Variants in PCDHGA6 observed in about 807,000 individuals in gnomAD.
The protein encoded by PCDHGA6 is protocadherin gamma-A6.
PCDHGA6 carries 41 observed loss-of-function variants against 60.6 expected under a neutral mutation model. The ratio of observed to expected loss-of-function variants is 0.68; its 90% confidence interval spans 0.53 to 0.88. PCDHGA6 has a LOEUF of 0.88. Among genes scored for constraint, PCDHGA6 ranks in the 40% least tolerant of loss-of-function variants. The probability of loss-of-function intolerance (pLI) is 0.00; values close to 1 mark genes in which losing one functional copy is unlikely to be tolerated. For synonymous variants in PCDHGA6, 594 were observed against 524.4 expected (o/e 1.13, Z -1.81); for missense variants, 1,312 against 1,203.0 (o/e 1.09, Z -1.34).
At position 141,431,398 on chromosome 5, in the gene PCDHGA6, G is replaced by A. The variant is rs1052461071; in HGVS notation, c.2424+54891G>A. ...AGGCTGCTCACCACCTGGTCCTTACGGCCTCCGACGGGGGCGACCCGGTGC... is the reference window on the plus strand; with the variant it reads ...AGGCTGCTCACCACCTGGTCCTTACAGCCTCCGACGGGGGCGACCCGGTGC... On this transcript the variant is annotated intron_variant, in intron 1 of 3. Coordinates refer to ENST00000517434, the MANE Select transcript of PCDHGA6 (RefSeq NM_018919.3). This position sits in a 1 kb window ranked among gnomAD's most constrained non-coding sequence, Gnocchi z 4.8. The A allele has an allele frequency of 6.8e-6, 11 of 1,613,768 alleles. No homozygotes were observed. Among genetic ancestry groups the A allele is most frequent in the Non-Finnish European group, 9.3e-6 (11 of 1,180,036 alleles).
In PCDHGA6 at chr5:141,374,146, G is replaced by A. The variant is rs770813485; in HGVS notation, c.63G>A (p.Gly21=). The change falls in exon 1 of 4, where the codon GGG becomes GGA. Residue 21 remains glycine (G), a synonymous_variant. Coordinates refer to ENST00000517434, the MANE Select transcript of PCDHGA6 (RefSeq NM_018919.3). ...SEQVLLLTLL[G]TLWGAAAAQI... The stretch of plus-strand genomic sequence containing the variant: ...AGGTCCTGCTCCTCACGCTCCTGGG[G>A]ACGCTGTGGGGGGCCGCGGCAGCGC... 5.0e-6 allele frequency: 8 copies of A among 1,611,142 alleles called. No homozygotes were observed. Among genetic ancestry groups the A allele is most frequent in the East Asian group, 4.5e-5 (2 of 44,802 alleles).
chr5:141,486,590 C>T lies in PCDHGA6; in HGVS notation c.2425-8217C>T, dbSNP rs781629297. On this transcript the variant is annotated intron_variant, in intron 1 of 3. Transcript: ENST00000517434. This position sits in a 1 kb window ranked among gnomAD's most constrained non-coding sequence, Gnocchi z 5.0. Reference sequence around the variant, plus strand: ...TCCTGAGAACAATCGCCCAGGGGACCTGCTTTGCTCCCTTGCAGCCTCTGA... The same window carrying T: ...TCCTGAGAACAATCGCCCAGGGGACTTGCTTTGCTCCCTTGCAGCCTCTGA... The T allele has an allele frequency of 6.2e-7, 1 of 1,613,640 alleles. No individual in the cohort carries two copies.
intron 2 of PCDHGA6, among the ~76,000 whole-genome samples, chr5:141,503,398 C>A (rs1374324008): frequency 6.6e-6 from 1 of 151,784 alleles, no homozygotes; most frequent in African/African-American, 2.4e-5. Flanking sequence ...AGTTCGAAAC[C>A]AACCTGGCCA....
chr5:141,465,611 C>T (rs1393170181), intron 1 of PCDHGA6, among the ~76,000 whole-genome samples: 1 of 152,178 alleles, frequency 6.6e-6, no homozygotes, highest in African/African-American at 2.4e-5. Context: ...CTCTTTGGCC[C>T]TCCAGGAAGT....
At chr5:141,466,809 C>T (rs1187657283) in intron 1 of PCDHGA6, among the ~76,000 whole-genome samples, 2 of 152,102 alleles carry the variant, frequency 1.3e-5, no homozygotes, top group African/African-American at 4.8e-5. Context: ...CCTATTCAGA[C>T]ATGGTATAAC....
At chr5:141,420,370 T>A in intron 1 of PCDHGA6, 1 of 1,352,032 alleles carries the variant, frequency 7.4e-7, no homozygotes, top group South Asian at 1.8e-5. Flanking sequence ...GATAACTTCT[T>A]CATAGAGTTC....
intron 1 of PCDHGA6, chr5:141,396,034 A>G (rs968115375): frequency 1.3e-5 from 2 of 152,256 alleles, no homozygotes; most frequent in African/African-American, 2.4e-5. Context: ...ATGTAAGAAC[A>G]TATTTCAATA....
intron 1 of PCDHGA6, among the ~76,000 whole-genome samples, chr5:141,381,823 C>CA (rs1777504204): frequency 2.0e-5 from 2 of 101,610 alleles, no homozygotes; most frequent in African/African-American, 8.6e-5. Flanking sequence ...TTTCTTTCTT[C>CA]TTCTTTTTTT....
chr5:141,408,849 A>G (rs764977493), intron 1 of PCDHGA6: 1 of 1,613,610 alleles, frequency 6.2e-7, no homozygotes, highest in South Asian at 1.1e-5. Context: ...ACTGCCTTGG[A>G]CGGAGGGGAC....
At chr5:141,419,306 C>T in intron 1 of PCDHGA6, 1 of 1,614,032 alleles carries the variant, frequency 6.2e-7, no homozygotes, top group Non-Finnish European at 8.5e-7. Context: ...AGACTTCGGG[C>T]TCAACGGCCG....
intron 1 of PCDHGA6, among the ~76,000 whole-genome samples, chr5:141,464,444 T>C (rs2099084887): frequency 6.6e-6 from 1 of 151,634 alleles, no homozygotes; most frequent in East Asian, 1.9e-4. Context: ...TGTTTGTTGT[T>C]GTTGTTGTTA....
At chr5:141,427,222 A>T (rs536161247) in intron 1 of PCDHGA6, 8 of 456,774 alleles carry the variant, frequency 1.8e-5, no homozygotes, top group Non-Finnish European at 3.5e-5. Flanking sequence ...CGTAGCAGTT[A>T]TACCATGAGA....
At chr5:141,380,735 C>T (rs973708229) in intron 1 of PCDHGA6, among the ~76,000 whole-genome samples, 1 of 152,066 alleles carries the variant, frequency 6.6e-6, no homozygotes, top group African/African-American at 2.4e-5. Flanking sequence ...TTCCTTTTCT[C>T]CAAAGAAGGT....
At chr5:141,415,036 T>C (rs772612744) in intron 1 of PCDHGA6, 1 of 1,613,526 alleles carries the variant, frequency 6.2e-7, no homozygotes, top group Admixed American at 1.7e-5. Context: ...GCCGGGACTC[T>C]TCGCGGTGGG....
intron 1 of PCDHGA6, among the ~76,000 whole-genome samples, chr5:141,464,885 G>T (rs1592925315): frequency 6.6e-6 from 1 of 152,020 alleles, no homozygotes; most frequent in East Asian, 1.9e-4. Flanking sequence ...ACTACAGATG[G>T]ATGCCACCAT....
rs71576115 is a variant in PCDHGA6, at chr5:141,463,438, CTTTT to C, written c.2425-31344_2425-31341del. Among the ~76,000 whole-genome samples, 12 of 103,242 alleles carry C rather than the reference CTTTT, an allele frequency of 1.2e-4. No homozygotes were observed. In the South Asian group the frequency reaches 1.6e-3, roughly 14 times the overall value. 67.7% of individuals were successfully genotyped at this position (103,242 alleles called of 152,430 possible). ...GTTTGCGGATCCTCATTTCCTTCTCCTTTTTTTTTTTTTTTTTTTTTTTTTTTTG... is the reference window on the plus strand; with the variant it reads ...GTTTGCGGATCCTCATTTCCTTCTCCTTTTTTTTTTTTTTTTTTTTTTTTG... On this transcript the variant is annotated intron_variant, in intron 1 of 3. Coordinates refer to ENST00000517434, the MANE Select transcript of PCDHGA6 (RefSeq NM_018919.3).
chr5:141,384,012 A>C, intron 1 of PCDHGA6: 1 of 1,613,830 alleles, frequency 6.2e-7, no homozygotes. Flanking sequence ...TTTTCTACCT[A>C]CAAGACAGAG....
intron 1 of PCDHGA6, chr5:141,395,250 C>A: frequency 6.4e-7 from 1 of 1,558,318 alleles, no homozygotes. Context: ...GAGTTTAGTT[C>A]TTTGCTTGCT....
At chr5:141,403,342 C>T (rs766669117) in intron 1 of PCDHGA6, 4 of 1,613,976 alleles carry the variant, frequency 2.5e-6, no homozygotes, top group African/African-American at 1.3e-5. Context: ...ACGACAGCGC[C>T]CCAAAGTTCC....
Sources: gnomAD v4.1 joint callset for allele counts (sites outside exome capture counted in the v4.1 genomes callset) on GRCh38, gnomAD v4.1.1 for gene constraint, Gnocchi (gnomAD v3.1) non-coding constraint, MANE v1.5 for transcripts, NCBI Gene and HGNC (gene_info 2026-07-23, HGNC 2026-07-21) for gene names.